Variants in THSD7B observed in about 807,000 individuals in gnomAD.
The protein encoded by THSD7B is thrombospondin type-1 domain-containing protein 7B.
In THSD7B, 138 loss-of-function variants were observed where a neutral mutation model predicts 213.6. The observed-to-expected ratio is 0.65, with a 90% CI of 0.56 to 0.74. The LOEUF is 0.74. Among genes scored for constraint, THSD7B ranks in the 30% least tolerant of loss-of-function variants. The probability of loss-of-function intolerance (pLI) is 0.00; values close to 1 mark genes in which losing one functional copy is unlikely to be tolerated. For synonymous variants in THSD7B, 742 were observed against 687.0 expected, an observed-to-expected ratio of 1.08 and a Z score of -1.25; for missense variants, 1,931 against 1,991.5, an observed-to-expected ratio of 0.97 and a Z score of 0.58.
At chr2:137,419,377 T>TTTTTTTTTTTTTTTTTTTTTTTTTTTTGG in intron 14 of THSD7B, among the ~76,000 whole-genome samples, 1 of 77,256 alleles carries the variant, frequency 1.3e-5, no homozygotes, top group African/African-American at 3.1e-5. Flanking sequence ...CCTGAGTTCT[T>TTTTTTTTTTTTTTTTTTTTTTTTTTTTGG]GTCCCACATC....
chr2:137,503,726 G>C (rs1679766536), intron 15 of THSD7B, among the ~76,000 whole-genome samples: 1 of 152,068 alleles, frequency 6.6e-6, no homozygotes, highest in Non-Finnish European at 1.5e-5. Flanking sequence ...CACTTATAGA[G>C]TATAGAAAAG....
At position 137,499,275 on chromosome 2, in the gene THSD7B, T is replaced by C. The variant is rs147494715; in HGVS notation, c.3138+48252T>C. 9.2e-4 allele frequency among the ~76,000 whole-genome samples: 140 copies of C among 152,320 alleles called. 3 individuals carry two copies. In the East Asian group the frequency reaches 0.015, roughly 17 times the overall value. Reference sequence around the variant, plus strand: ...TGTACAGTTCCTCTTTTAGTCTCAATGGTTCATTGTAAATCTAAAATAGTA... The same window carrying C: ...TGTACAGTTCCTCTTTTAGTCTCAACGGTTCATTGTAAATCTAAAATAGTA... On this transcript the variant is annotated intron_variant, in intron 15 of 27. Transcript: ENST00000409968.
At chr2:137,313,021 G>A (rs1173012616) in intron 12 of THSD7B, among the ~76,000 whole-genome samples, 10 of 150,632 alleles carry the variant, frequency 6.6e-5, no homozygotes, top group Non-Finnish European at 1.3e-4. Context: ...TGTCTATTAG[G>A]TCCGCTTGGT....
chr2:137,546,413 T>TA (rs1680721398), intron 15 of THSD7B, among the ~76,000 whole-genome samples: 23 of 34,324 alleles, frequency 6.7e-4, no homozygotes, highest in African/African-American at 4.0e-3. Flanking sequence ...ATTATATATA[T>TA]ATTATATATA....
intron 2 of THSD7B, among the ~76,000 whole-genome samples, chr2:137,037,020 A>G (rs1686789042): frequency 6.6e-6 from 1 of 152,164 alleles, no homozygotes. Flanking sequence ...CTGATTCAGT[A>G]ATTTTCTGAC....
At chr2:136,783,827 C>T (rs192800148) in intron 1 of THSD7B, among the ~76,000 whole-genome samples, 36 of 152,282 alleles carry the variant, frequency 2.4e-4, no homozygotes, top group African/African-American at 8.4e-4. Context: ...TTCATCACCT[C>T]CTTTTCAACA....
Position 137,358,477 on chromosome 2 carries a change from A to T in THSD7B, c.2501-47136A>T, listed in dbSNP as rs147318235. 1.1e-3 allele frequency among the ~76,000 whole-genome samples: 175 copies of T among 152,312 alleles called. 4 individuals carry two copies. The South Asian group carries it at 0.033, about 29-fold the overall frequency. Reference sequence around the variant, plus strand: ...TACACCTACTCAGAGGACCGAAAAAAATTTTTTAAAGGTGGATGTTTACAT... The same window carrying T: ...TACACCTACTCAGAGGACCGAAAAATATTTTTTAAAGGTGGATGTTTACAT... On this transcript the variant is annotated intron_variant, in intron 12 of 27. Coordinates refer to ENST00000409968, the MANE Select transcript of THSD7B (RefSeq NM_001316349.2).
At chr2:137,673,408 T>C (rs893806892) in intron 27 of THSD7B, among the ~76,000 whole-genome samples, 2 of 152,012 alleles carry the variant, frequency 1.3e-5, no homozygotes, top group African/African-American at 2.4e-5. Context: ...CAGGAGAGAA[T>C]AGAGTGATGG....
chr2:137,112,061 C>T (rs1407800623), intron 4 of THSD7B, among the ~76,000 whole-genome samples: 1 of 152,046 alleles, frequency 6.6e-6, no homozygotes, highest in Admixed American at 6.5e-5. Flanking sequence ...GGAGGACTAT[C>T]GCTGTAACAA....
intron 12 of THSD7B, among the ~76,000 whole-genome samples, chr2:137,293,321 T>A (rs906298562): frequency 6.6e-6 from 1 of 151,902 alleles, no homozygotes; most frequent in African/African-American, 2.4e-5. Context: ...GTATTTTGGG[T>A]AGAAACGGGT....
intron 1 of THSD7B, among the ~76,000 whole-genome samples, chr2:136,841,589 C>G (rs1164051727): frequency 1.6e-4 from 10 of 60,866 alleles, no homozygotes; most frequent in Non-Finnish European, 3.3e-4. Context: ...GAGCAAGACT[C>G]CATCAAAAAA....
chr2:136,938,950 A>G (rs573450035), intron 2 of THSD7B, among the ~76,000 whole-genome samples: 159 of 152,336 alleles, frequency 1.0e-3, no homozygotes, highest in Non-Finnish European at 1.8e-3. Context: ...CCACACTGCT[A>G]TAGAAATTAA....
intron 1 of THSD7B, among the ~76,000 whole-genome samples, chr2:136,794,626 G>A (rs1682028162): frequency 6.6e-6 from 1 of 151,800 alleles, no homozygotes; most frequent in African/African-American, 2.4e-5. Flanking sequence ...CTTTATTTTG[G>A]AAATGTTTTA....
At chr2:137,304,354 T>G (rs981107513) in intron 12 of THSD7B, among the ~76,000 whole-genome samples, 1 of 152,150 alleles carries the variant, frequency 6.6e-6, no homozygotes, top group Non-Finnish European at 1.5e-5. Context: ...TTTTGAGAAG[T>G]AGAGATGCAG....
intron 6 of THSD7B, among the ~76,000 whole-genome samples, chr2:137,161,603 G>T (rs1292800211): frequency 6.6e-6 from 1 of 152,136 alleles, no homozygotes; most frequent in Non-Finnish European, 1.5e-5. Flanking sequence ...TTGGCTTTCA[G>T]GCAGGTGGAA....
At chr2:137,558,566 A>G (rs1203983849) in intron 15 of THSD7B, among the ~76,000 whole-genome samples, 1 of 152,220 alleles carries the variant, frequency 6.6e-6, no homozygotes, top group East Asian at 1.9e-4. Flanking sequence ...AAGTATCTCA[A>G]AATACTAAGA....
chr2:137,578,332 G>T (rs558344032), intron 17 of THSD7B, among the ~76,000 whole-genome samples: 1 of 152,166 alleles, frequency 6.6e-6, no homozygotes, highest in Admixed American at 6.5e-5. Context: ...TACTAATTTG[G>T]ACATTCATGG....
intron 2 of THSD7B, among the ~76,000 whole-genome samples, chr2:136,931,657 T>C (rs1684628920): frequency 1.3e-5 from 2 of 152,140 alleles, no homozygotes; most frequent in South Asian, 4.1e-4. Flanking sequence ...CTTTACCTCC[T>C]AATAGATGTC....
At chr2:136,767,218 C>T (rs995064553) in intron 1 of THSD7B, among the ~76,000 whole-genome samples, 2 of 152,118 alleles carry the variant, frequency 1.3e-5, no homozygotes, top group Non-Finnish European at 2.9e-5. Context: ...GTGTTACTAA[C>T]CAAATCAAGA....
Sources: allele counts gnomAD v4.1 joint callset (sites outside exome capture counted in the v4.1 genomes callset), GRCh38; gene constraint gnomAD v4.1.1; transcripts MANE v1.5; gene names NCBI Gene and HGNC (gene_info 2026-07-23, HGNC 2026-07-21).